The following PTPRT variants were observed in gnomAD, a reference collection of about 807,000 sequenced individuals.
The protein encoded by PTPRT is receptor-type tyrosine-protein phosphatase T.
A neutral mutation model predicts 176.8 loss-of-function variants in PTPRT; 56 were observed. The ratio of observed to expected loss-of-function variants is 0.32; its 90% CI spans 0.26 to 0.40. The LOEUF (loss-of-function observed/expected upper bound fraction) is 0.40. PTPRT is among the 10% of genes least tolerant of loss of function. The pLI is 1.00. For synonymous variants in PTPRT, 783 were observed against 739.0 expected (o/e 1.06, Z -0.96); for missense variants, 1,540 against 1,908.2 (o/e 0.81, Z 3.60).
At chr20:42,041,649 T>A in the PTPRT span, among the ~76,000 whole-genome samples, 2 of 152,222 alleles carry the variant, frequency 1.3e-5, no homozygotes, top group Non-Finnish European at 2.9e-5. Flanking sequence ...CATTGCAGGC[T>A]GTGCAACCTT....
chr20:42,734,414 T>C lies in PTPRT; in HGVS notation c.859+22048A>G, dbSNP rs147840207. Among the ~76,000 whole-genome samples the C allele has an allele frequency of 3.2e-3, 488 of 152,270 alleles. 3 individuals carry two copies. Among genetic ancestry groups the C allele is most frequent in the African/African-American group, 0.011 (454 of 41,560 alleles). On this transcript the variant is annotated intron_variant, in intron 6 of 30. Transcript: ENST00000373187. ...GAGTCTCCAATAGCATCATCCTTCT[T>C]ATCCAAATCCAATAAAGCAATGCTG...
intron 1 of PTPRT, among the ~76,000 whole-genome samples, chr20:42,967,823 G>A (rs528639185): frequency 2.7e-5 from 4 of 149,288 alleles, no homozygotes; most frequent in African/African-American, 4.9e-5. Flanking sequence ...GCCCACCCCC[G>A]CTACCAGATG....
At chr20:42,173,890 T>A (rs183270492) in intron 16 of PTPRT, among the ~76,000 whole-genome samples, 1 of 152,336 alleles carries the variant, frequency 6.6e-6, no homozygotes. Context: ...AGACACTTGT[T>A]GTTGAAAATA....
chr20:42,356,546 A>G (rs2058360524), intron 9 of PTPRT, among the ~76,000 whole-genome samples: 1 of 151,922 alleles, frequency 6.6e-6, no homozygotes, highest in Admixed American at 6.6e-5. Context: ...ATTACAAAAA[A>G]TTATCCAGGT....
intron 12 of PTPRT, among the ~76,000 whole-genome samples, chr20:42,297,304 T>C (rs1410527565): frequency 1.3e-5 from 2 of 152,072 alleles, no homozygotes; most frequent in Admixed American, 6.5e-5. Context: ...CCCATTACAA[T>C]GGCAACAAAG....
intron 15 of PTPRT, among the ~76,000 whole-genome samples, chr20:42,202,394 A>G (rs1176863684): frequency 6.6e-6 from 1 of 152,188 alleles, no homozygotes; most frequent in Non-Finnish European, 1.5e-5. Flanking sequence ...CAGGAAGAGG[A>G]ATGCATCTTT....
intron 6 of PTPRT, among the ~76,000 whole-genome samples, chr20:42,697,733 A>T (rs765236188): frequency 2.0e-5 from 3 of 152,362 alleles, no homozygotes; most frequent in African/African-American, 4.8e-5. Flanking sequence ...GGGCATGTAC[A>T]CAATAAAATG....
At chr20:42,302,613 A>T (rs553214280) in intron 12 of PTPRT, among the ~76,000 whole-genome samples, 107 of 152,260 alleles carry the variant, frequency 7.0e-4, no homozygotes, top group Non-Finnish European at 1.3e-3. Context: ...ATTGCTGATA[A>T]TTTATTGCCC....
the PTPRT span, among the ~76,000 whole-genome samples, chr20:42,058,935 T>A: frequency 1.3e-5 from 2 of 152,126 alleles, no homozygotes; most frequent in Non-Finnish European, 2.9e-5. Flanking sequence ...CTTTGGATCA[T>A]CCAGCCAAGT....
chr20:43,154,577 G>C (rs74171224), intron 1 of PTPRT, among the ~76,000 whole-genome samples: 1 of 152,150 alleles, frequency 6.6e-6, no homozygotes, highest in African/African-American at 2.4e-5. Context: ...TATTTTCATA[G>C]GGATTACACT....
chr20:43,071,012 C>A lies in PTPRT; in HGVS notation c.88+118634G>T, dbSNP rs548381887. ...AGAACTGCCCTCAACCAAACCAGGG[C>A]CACTTACCTCTACCACAGAGCAGTG... On this transcript the variant is annotated intron_variant, in intron 1 of 30. Coordinates refer to ENST00000373187, the MANE Select transcript of PTPRT (RefSeq NM_007050.6). Among the ~76,000 whole-genome samples the A allele has an allele frequency of 1.7e-4, 25 of 150,918 alleles. 1 individual carries two copies. The highest frequency in any genetic ancestry group is 5.6e-4 in the African/African-American group (23 of 41,156).
intron 1 of PTPRT, among the ~76,000 whole-genome samples, chr20:43,163,576 T>A (rs926122512): frequency 2.0e-5 from 3 of 151,478 alleles, no homozygotes; most frequent in African/African-American, 7.3e-5. Context: ...AGGCAGAGCT[T>A]GCAGTGAGCC....
At chr20:42,221,356 A>G (rs6016722) in intron 15 of PTPRT, among the ~76,000 whole-genome samples, 62,989 of 151,956 alleles carry the variant, frequency 0.41, 13,363 homozygotes, top group African/African-American at 0.49. Context: ...TCATACTGCT[A>G]TAAGTATACT....
intron 16 of PTPRT, among the ~76,000 whole-genome samples, chr20:42,194,813 C>T (rs1336109942): frequency 6.6e-6 from 1 of 152,090 alleles, no homozygotes; most frequent in Non-Finnish European, 1.5e-5. Flanking sequence ...CTGACAAAGC[C>T]CCATCACCCT....
intron 5 of PTPRT, among the ~76,000 whole-genome samples, chr20:42,764,621 C>T (rs1349373514): frequency 2.6e-5 from 4 of 152,108 alleles, no homozygotes; most frequent in African/African-American, 9.7e-5. Flanking sequence ...TTCTTCACAC[C>T]ATGCTTCTGC....
chr20:42,321,499 T>C (rs1246772070), intron 11 of PTPRT, among the ~76,000 whole-genome samples: 4 of 152,202 alleles, frequency 2.6e-5, no homozygotes, highest in Non-Finnish European at 5.9e-5. Context: ...TCCCCTCCAG[T>C]ATTCTCACTC....
chr20:42,129,587 G>C (rs1988027647), intron 18 of PTPRT, among the ~76,000 whole-genome samples: 1 of 152,182 alleles, frequency 6.6e-6, no homozygotes, highest in Admixed American at 6.5e-5. Context: ...GTGGAACATT[G>C]GTTCGGTCTG....
intron 14 of PTPRT, among the ~76,000 whole-genome samples, chr20:42,238,824 T>G (rs1445099847): frequency 6.6e-6 from 1 of 152,106 alleles, no homozygotes; most frequent in Admixed American, 6.5e-5. Flanking sequence ...AGCCTTAGCA[T>G]CTCAGCACCA....
intron 7 of PTPRT, among the ~76,000 whole-genome samples, chr20:42,655,380 A>G (rs1050652884): frequency 5.3e-5 from 8 of 152,140 alleles, no homozygotes; most frequent in Admixed American, 3.9e-4. Context: ...AATCTCAGCT[A>G]CTTGGGAGGC....
Sources: gnomAD v4.1 joint callset for allele counts (sites outside exome capture counted in the v4.1 genomes callset) on GRCh38, gnomAD v4.1.1 for gene constraint, MANE v1.5 for transcripts, NCBI Gene and HGNC (gene_info 2026-07-23, HGNC 2026-07-21) for gene names.